The following PAQR3 variants were observed in gnomAD, a reference collection of about 807,000 sequenced individuals.
The protein encoded by PAQR3 is progestin and adipoQ receptor family member 3, also known as Raf kinase trapping to Golgi.
Under a neutral mutation model 41.7 loss-of-function variants are expected in PAQR3, and 39 were observed. That is an observed-to-expected ratio of 0.93 (90% CI 0.72 to 1.22). PAQR3 has a LOEUF of 1.22. PAQR3 is among the 50% of genes most tolerant of loss of function. The probability of loss-of-function intolerance (pLI) is 0.00; values close to 1 mark genes in which losing one functional copy is unlikely to be tolerated. For missense variants in PAQR3, 366 were observed against 385.6 expected (o/e 0.95, Z 0.42); for synonymous variants, 140 against 140.6 (o/e 1.00, Z 0.03).
intron 3 of PAQR3, among the ~76,000 whole-genome samples, chr4:78,928,991 A>G (rs1736538693): frequency 1.3e-5 from 2 of 152,220 alleles, no homozygotes; most frequent in African/African-American, 4.8e-5. Context: ...GTGAGAATCT[A>G]ACGCTGCTGC....
downstream of PAQR3, chr4:78,910,958 C>G (rs1181802298): frequency 6.2e-7 from 1 of 1,613,512 alleles, no homozygotes; most frequent in African/African-American, 1.3e-5. Context: ...AGCTCTGATT[C>G]TGATTATGAG....
chr4:78,932,707 A>G (rs931272940), intron 2 of PAQR3, among the ~76,000 whole-genome samples: 4 of 152,216 alleles, frequency 2.6e-5, no homozygotes, highest in African/African-American at 9.6e-5. Flanking sequence ...TCATTGTGAA[A>G]AAGAAAATAA....
At chr4:78,929,699 T>C (rs1736623790) in intron 3 of PAQR3, among the ~76,000 whole-genome samples, 1 of 152,208 alleles carries the variant, frequency 6.6e-6, no homozygotes, top group Admixed American at 6.5e-5. Context: ...GGAAAACATA[T>C]TTTACAGAAG....
chr4:78,924,744 G>C (rs1350688036), intron 4 of PAQR3, among the ~76,000 whole-genome samples: 1 of 151,286 alleles, frequency 6.6e-6, no homozygotes, highest in African/African-American at 2.4e-5. Flanking sequence ...AGCTGGGCAT[G>C]GTGGTGCACA....
chr4:78,933,314 A>G lies in PAQR3; in HGVS notation c.348+1807T>C, dbSNP rs1388070360. 1.1e-5 allele frequency: 5 copies of G among 455,536 alleles called. No homozygotes were observed. The Admixed American group carries it at 1.2e-4, about 11-fold the overall frequency. 28.2% of individuals were successfully genotyped at this position (455,536 alleles called of 1,614,324 possible). On this transcript the variant is annotated intron_variant, in intron 2 of 5. Transcript: ENST00000512733. ...AATCAAGGCATTATTGTATTCTAAC[A>G]TTCTTCTCCAAAATACAAATACCCT...
chr4:78,910,853 AAGG>A (rs1560559849), downstream of PAQR3: 1 of 1,613,992 alleles, frequency 6.2e-7, no homozygotes, highest in African/African-American at 1.3e-5. Context: ...CAGGGGGAAC[AAGG>A]AGATTTTAAT....
Position 78,913,349 on chromosome 4 carries a change from A to C in PAQR3, c.*7190T>G, listed in dbSNP as rs1178216749. 6.6e-6 allele frequency: 1 copy of C among 152,170 alleles called. No homozygotes were observed. Among genetic ancestry groups the C allele is most frequent in the Non-Finnish European group, 1.5e-5 (1 of 67,998 alleles). 9.4% of individuals were successfully genotyped at this position (152,170 alleles called of 1,614,324 possible). On this transcript the variant is annotated 3_prime_UTR_variant, in exon 6 of 6. Coordinates refer to ENST00000512733, the MANE Select transcript of PAQR3 (RefSeq NM_001040202.2). ...CTACCAATTTGCCTTTTTTTACACC[A>C]CAAATCCTAATTAGAAACTTGAGGT... is the stretch of plus-strand genomic sequence containing the variant.
intron 5 of PAQR3, chr4:78,921,614 TCAA>T (rs1417646969): frequency 1.1e-6 from 1 of 881,514 alleles, no homozygotes; most frequent in East Asian, 1.2e-4. Context: ...AGAGATCCAC[TCAA>T]TTCTATCCAT....
chr4:78,925,994 A>G (rs1182289383), intron 4 of PAQR3, among the ~76,000 whole-genome samples: 3 of 152,142 alleles, frequency 2.0e-5, no homozygotes, highest in Non-Finnish European at 4.4e-5. Context: ...TCCAGCTACC[A>G]ATACAATGAT....
At chr4:78,933,340 G>A (rs970515855) in intron 2 of PAQR3, 1 of 449,504 alleles carries the variant, frequency 2.2e-6, no homozygotes. Flanking sequence ...CAAATACCCT[G>A]GGAAGGTTCA....
chr4:78,936,897 C>T (rs1436119980), intron 1 of PAQR3, among the ~76,000 whole-genome samples: 6 of 152,110 alleles, frequency 3.9e-5, no homozygotes, highest in Non-Finnish European at 8.8e-5. Context: ...AATCTGTCCC[C>T]GTCACTCCTG....
chr4:78,889,451 TAA>T (rs1297127250), intron 11 of PAQR3, among the ~76,000 whole-genome samples: 3 of 152,122 alleles, frequency 2.0e-5, no homozygotes, highest in African/African-American at 7.2e-5. Context: ...TCTAAAATAT[TAA>T]GTTAAAAAAT....
intron 1 of PAQR3, among the ~76,000 whole-genome samples, chr4:78,937,059 A>G (rs911731584): frequency 7.2e-5 from 11 of 152,208 alleles, no homozygotes; most frequent in African/African-American, 2.7e-4. Context: ...TATCTTAAGC[A>G]TACCCTGAGA....
At chr4:78,900,361 C>T (rs1229468767) in intron 11 of PAQR3, among the ~76,000 whole-genome samples, 2 of 152,042 alleles carry the variant, frequency 1.3e-5, no homozygotes, top group East Asian at 1.9e-4. Flanking sequence ...TTGACTGTGT[C>T]GGAGGTTGAT....
downstream of PAQR3, chr4:78,911,681 T>C: frequency 6.2e-7 from 1 of 1,613,772 alleles, no homozygotes; most frequent in Non-Finnish European, 8.5e-7. Context: ...AAGGAGAACA[T>C]TAGTGTTGCA....
intron 4 of PAQR3, among the ~76,000 whole-genome samples, chr4:78,924,593 A>T (rs1736002198): frequency 6.6e-6 from 1 of 152,132 alleles, no homozygotes; most frequent in African/African-American, 2.4e-5. Flanking sequence ...CAGGAGTTCA[A>T]AACTAGCCTG....
chr4:78,928,688 T>C (rs971739227), intron 3 of PAQR3, among the ~76,000 whole-genome samples: 1 of 152,256 alleles, frequency 6.6e-6, no homozygotes, highest in African/African-American at 2.4e-5. Flanking sequence ...ACTGGTTTTG[T>C]GGAAGACAAT....
intron 11 of PAQR3, among the ~76,000 whole-genome samples, chr4:78,888,449 C>T (rs1164419359): frequency 1.3e-5 from 2 of 152,192 alleles, no homozygotes; most frequent in Admixed American, 1.3e-4. Flanking sequence ...ACTTGAGATA[C>T]TGATCTCTGT....
intron 5 of PAQR3, chr4:78,922,251 C>T (rs1735728416): frequency 8.1e-7 from 1 of 1,227,660 alleles, no homozygotes; most frequent in Admixed American, 2.7e-5. Flanking sequence ...CAGGTTTTCC[C>T]TTGTATTTCC....
Sources: gnomAD v4.1 joint callset for allele counts (sites outside exome capture counted in the v4.1 genomes callset) on GRCh38, gnomAD v4.1.1 for gene constraint, MANE v1.5 for transcripts, NCBI Gene and HGNC (gene_info 2026-07-23, HGNC 2026-07-21) for gene names.